Variants in MYH15 observed in about 807,000 individuals in gnomAD.
The protein encoded by MYH15 is myosin heavy chain 15, also known as myosin-15.
Under a neutral mutation model 240.5 loss-of-function variants are expected in MYH15, and 227 were observed. That is an observed-to-expected ratio of 0.94 (90% confidence interval 0.85 to 1.05). The LOEUF (loss-of-function observed/expected upper bound fraction) is 1.05. MYH15 is among the 50% of genes least tolerant of loss of function. The pLI, the probability that MYH15 is intolerant of heterozygous loss-of-function variation, is 0.00. For missense variants in MYH15, 2,217 were observed against 2,247.5 expected (o/e 0.99, Z 0.27); for synonymous variants, 785 against 796.7 (o/e 0.99, Z 0.25).
intron 31 of MYH15, 110 bp from the exon 32 acceptor site, chr3:108,408,514 C>A: frequency 6.4e-6 from 7 of 1,099,074 alleles, no homozygotes; most frequent in Non-Finnish European, 9.0e-6. Context: ...CCTCATGCCA[C>A]CCTTGGTAAC....
intron 25 of MYH15, among the ~76,000 whole-genome samples, chr3:108,434,063 ATAT>A (rs1434187792): frequency 5.3e-5 from 8 of 151,538 alleles, no homozygotes; most frequent in African/African-American, 1.9e-4. Flanking sequence ...TGATATTAAT[ATAT>A]TATTACATTA....
In MYH15 at chr3:108,463,630, C is replaced by A. The variant is rs190623669; in HGVS notation, c.1732-387G>T. 2.1e-3 allele frequency among the ~76,000 whole-genome samples: 316 copies of A among 152,214 alleles called. 2 individuals are homozygous for A. Among genetic ancestry groups the A allele is most frequent in the African/African-American group, 7.3e-3 (305 of 41,530 alleles). On this transcript the variant is annotated intron_variant, in intron 15 of 40. Transcript: ENST00000693548. Reference sequence around the variant, plus strand: ...GATTACAGGGAGCCACCATGCCCAGCCTTTGCATTACTTTTAATAAATCAC... The same window carrying A: ...GATTACAGGGAGCCACCATGCCCAGACTTTGCATTACTTTTAATAAATCAC...
At chr3:108,470,278 T>C (rs765062283) in intron 13 of MYH15, 66 bp from the exon 14 acceptor site, 5 of 1,189,088 alleles carry the variant, frequency 4.2e-6, no homozygotes, top group Non-Finnish European at 5.9e-6. Context: ...TTCAAGAATG[T>C]CCAGTAAAGA....
intron 13 of MYH15, 141 bp from the exon 14 acceptor site, chr3:108,470,353 T>C: frequency 1.7e-6 from 1 of 592,538 alleles, no homozygotes; most frequent in Non-Finnish European, 2.8e-6. Context: ...CTCAATTAAC[T>C]TAATTAATTG....
intron 26 of MYH15, 148 bp from the exon 27 acceptor site, chr3:108,429,029 CCCAATTCAGTA>C: frequency 1.2e-6 from 1 of 857,774 alleles, no homozygotes. Context: ...AGTGATTTGC[CCCAATTCAGTA>C]CCAAGACCAG....
chr3:108,406,507 G>A (rs2082547422), intron 32 of MYH15, among the ~76,000 whole-genome samples: 1 of 152,128 alleles, frequency 6.6e-6, no homozygotes, highest in African/African-American at 2.4e-5. Context: ...AATTTCCTCA[G>A]AGGGAATAGT....
chr3:108,470,562 C>T, intron 13 of MYH15, 136 bp downstream of exon 13: 1 of 752,792 alleles, frequency 1.3e-6, no homozygotes, highest in South Asian at 2.4e-5. Flanking sequence ...AATTATAGCT[C>T]TTTTCCAAAC....
rs1484906522 is a variant in MYH15, at chr3:108,485,163, T to C, written c.1042A>G (p.Ile348Val). 3 of 1,614,130 alleles carry C rather than the reference T, an allele frequency of 1.9e-6. No homozygotes were observed. The highest frequency in any genetic ancestry group is 1.1e-5 in the South Asian group (1 of 91,078). Residue 348 changes from isoleucine to valine, a missense_variant, in exon 11 of 41, where the codon ATC becomes GTC. Physicochemically the swap from Ile to Val is conservative, Grantham distance 29. Transcript: ENST00000693548. ...AATTTCATATTTCCAAAGTGCATGA[T>C]GGCTCCAGTGAGTTTATAGCATCCA... is the stretch of plus-strand genomic sequence containing the variant. ...KYGCYKLTGA[I>V]MHFGNMKFKQ...
At chr3:108,501,606 C>A in intron 3 of MYH15, 106 bp downstream of exon 3, 1 of 1,415,566 alleles carries the variant, frequency 7.1e-7, no homozygotes, top group Non-Finnish European at 9.8e-7. Flanking sequence ...AAGGACTATC[C>A]CTGTGCGAGC....
At chr3:108,426,041 C>T (rs2082722215) in intron 27 of MYH15, among the ~76,000 whole-genome samples, 1 of 151,866 alleles carries the variant, frequency 6.6e-6, no homozygotes, top group Non-Finnish European at 1.5e-5. Flanking sequence ...TGGAAGAAAT[C>T]CTTAAAGAAA....
intron 30 of MYH15, among the ~76,000 whole-genome samples, chr3:108,412,485 T>C (rs1055504170): frequency 6.6e-6 from 1 of 152,206 alleles, no homozygotes; most frequent in East Asian, 1.9e-4. Flanking sequence ...ATGTCTTTAT[T>C]AGCAGTGTGA....
intron 32 of MYH15, 94 bp from the exon 33 acceptor site, chr3:108,405,547 T>G: frequency 1.5e-6 from 1 of 674,334 alleles, no homozygotes; most frequent in Non-Finnish European, 2.3e-6. Flanking sequence ...GTAGCTCTCT[T>G]AGAGTTACTG....
At chr3:108,402,838 A>G (rs964872711) in intron 33 of MYH15, among the ~76,000 whole-genome samples, 3 of 152,184 alleles carry the variant, frequency 2.0e-5, no homozygotes, top group Admixed American at 2.0e-4. Context: ...GCCATGCAGT[A>G]GGGCTTGACT....
At chr3:108,450,249 T>C (rs1398579584) in intron 21 of MYH15, among the ~76,000 whole-genome samples, 1 of 152,206 alleles carries the variant, frequency 6.6e-6, no homozygotes, top group African/African-American at 2.4e-5. Flanking sequence ...ATATCTGCAC[T>C]ACTATGTTCA....
At chr3:108,485,380 C>A in intron 10 of MYH15, 151 bp from the exon 11 acceptor site, 4 of 801,562 alleles carry the variant, frequency 5.0e-6, no homozygotes, top group East Asian at 2.5e-5. Flanking sequence ...CCTGTTGGCA[C>A]TTGGTCACCC....
At chr3:108,404,336 A>T (rs915988108) in intron 33 of MYH15, among the ~76,000 whole-genome samples, 3 of 152,234 alleles carry the variant, frequency 2.0e-5, no homozygotes, top group African/African-American at 7.2e-5. Flanking sequence ...TCTTAAAAAA[A>T]GACTGTTTAA....
chr3:108,489,424 T>C (rs1340903559), intron 9 of MYH15, among the ~76,000 whole-genome samples: 2 of 152,036 alleles, frequency 1.3e-5, no homozygotes, highest in Admixed American at 1.3e-4. Context: ...AAAATATATG[T>C]AGGACCAAGC....
In MYH15 at chr3:108,421,102, A is replaced by C. The variant is rs1355653899; in HGVS notation, c.3815T>G (p.Leu1272Arg). The change falls in exon 28 of 41, where the codon CTG (leucine) becomes CGG (arginine). Residue 1272 changes from leucine (L) to arginine (R), a missense_variant. Leu to Arg is a moderately radical substitution (Grantham distance 102). Transcript: ENST00000693548. ...TACTTACTTACCACTCTCACTCCAC[A>C]GCTTTGTCTTTTGTGCTGCCAGGTC... ...ANDLAAQKTK[L>R]WSESGEFLRR... 6.2e-7 allele frequency: 1 copy of C among 1,614,114 alleles called. No individual in the cohort carries two copies. The highest frequency in any genetic ancestry group is 2.2e-5 in the East Asian group (1 of 44,882).
At chr3:108,382,734 A>G (rs1389029055) in intron 40 of MYH15, among the ~76,000 whole-genome samples, 1 of 152,120 alleles carries the variant, frequency 6.6e-6, no homozygotes, top group Non-Finnish European at 1.5e-5. Context: ...CCGAAAACAC[A>G]GAGAAAGAGG....
Sources: allele counts gnomAD v4.1 joint callset (sites outside exome capture counted in the v4.1 genomes callset), GRCh38; gene constraint gnomAD v4.1.1; transcripts MANE v1.5; gene names NCBI Gene and HGNC (gene_info 2026-07-23, HGNC 2026-07-21).